The following GMPS variants were observed in gnomAD, a reference collection of about 807,000 sequenced individuals.
GMPS encodes GMP synthase [glutamine-hydrolyzing].
Under a neutral mutation model 77.9 loss-of-function variants are expected in GMPS, and 15 were observed. That is an observed-to-expected ratio of 0.19 (90% CI 0.13 to 0.30). The LOEUF is 0.30. GMPS is among the 10% of genes least tolerant of loss of function. The pLI is 1.00. For synonymous variants in GMPS, 224 were observed against 275.9 expected, an observed-to-expected ratio of 0.81 and a Z score of 1.86; for missense variants, 590 against 838.8, an observed-to-expected ratio of 0.70 and a Z score of 3.66.
intron 1 of GMPS, among the ~76,000 whole-genome samples, chr3:155,873,638 CT>C (rs58365650): frequency 6.5e-4 from 54 of 82,538 alleles, no homozygotes; most frequent in South Asian, 8.2e-4. Flanking sequence ...TGAGTAAGTT[CT>C]TTTTTTTTTT....
At chr3:155,937,305 CT>C (rs1755787160) in intron 15 of GMPS, among the ~76,000 whole-genome samples, 1 of 152,222 alleles carries the variant, frequency 6.6e-6, no homozygotes, top group African/African-American at 2.4e-5. Flanking sequence ...TTCTTAAGCA[CT>C]TGTGGCTCAG....
Position 155,911,907 on chromosome 3 carries a change from A to G in GMPS, c.886+628A>G, listed in dbSNP as rs555396694. On this transcript the variant is annotated intron_variant, in intron 7 of 15. Coordinates refer to ENST00000496455, the MANE Select transcript of GMPS (RefSeq NM_003875.3). ...ATGATATTTATGTACGAGGCTACCC[A>G]AGCCCTCCTCAGGTATGGGTATACA... Among the ~76,000 whole-genome samples, 15 of 152,116 alleles carry G rather than the reference A, an allele frequency of 9.9e-5. 1 individual carries two copies. The South Asian group carries it at 2.9e-3, about 29-fold the overall frequency.
At chr3:155,932,677 G>T (rs918067567) in intron 13 of GMPS, among the ~76,000 whole-genome samples, 1 of 152,128 alleles carries the variant, frequency 6.6e-6, no homozygotes. Context: ...CAACCAAAAA[G>T]AATTACTTGA....
In GMPS at chr3:155,934,869, A is replaced by G. The variant is rs1174539752; in HGVS notation, c.1677-47A>G. ...CTTCTCATACTAAAATGTAATTTCT[A>G]CATTTGAAATGTAATTGCTGTATTA... On this transcript the variant is annotated intron_variant, in intron 13 of 15. Transcript: ENST00000496455. 4 of 1,240,162 alleles carry G rather than the reference A, an allele frequency of 3.2e-6. No individual in the cohort carries two copies. In the South Asian group the frequency reaches 4.8e-5, roughly 15 times the overall value. 76.8% of individuals were successfully genotyped at this position (1,240,162 alleles called of 1,614,324 possible). A position where few individuals can be genotyped will look rare whatever the true frequency, so the allele number is the denominator to read the frequency against.
chr3:155,870,399 G>C (rs1169952044), upstream of GMPS: 4 of 173,530 alleles, frequency 2.3e-5, no homozygotes, highest in Non-Finnish European at 3.7e-5. Context: ...CGGGCTCCTC[G>C]GTGCGAGGGC....
chr3:155,898,170 C>CAACT (rs1192312911), intron 3 of GMPS, 129 bp downstream of exon 3: 4 of 666,414 alleles, frequency 6.0e-6, no homozygotes, highest in Non-Finnish European at 1.1e-5. Context: ...GTGCATGTTA[C>CAACT]AACTATGTGA....
chr3:155,905,789 G>A (rs961286801), intron 4 of GMPS, among the ~76,000 whole-genome samples: 4 of 152,102 alleles, frequency 2.6e-5, no homozygotes, highest in Admixed American at 1.3e-4. Context: ...TAAGACTACC[G>A]AATGAAGTGT....
intron 9 of GMPS, among the ~76,000 whole-genome samples, chr3:155,917,066 C>T (rs1043395020): frequency 6.6e-6 from 1 of 151,978 alleles, no homozygotes; most frequent in African/African-American, 2.4e-5. Flanking sequence ...CCTCTGCCTC[C>T]CGGTTCAAGA....
chr3:155,876,804 A>T (rs1754059346), intron 1 of GMPS, among the ~76,000 whole-genome samples: 1 of 152,198 alleles, frequency 6.6e-6, no homozygotes, highest in Admixed American at 6.5e-5. Context: ...TAAGAGTATT[A>T]TTCTAAAATT....
At position 155,942,484 on chromosome 3, in the gene GMPS, AC is replaced by A. The variant is rs1755916358; in HGVS notation, c.*4794del. On this transcript the variant is annotated 3_prime_UTR_variant, in exon 16 of 16. Transcript: ENST00000496455. Reference sequence around the variant, plus strand: ...AAACTCATAGGTGAATCTTTGTCAAACCTATAGGAGAGAGATGCAGGCCATA... The same window carrying A: ...AAACTCATAGGTGAATCTTTGTCAAACTATAGGAGAGAGATGCAGGCCATA... 2 of 224,892 alleles carry A rather than the reference AC, an allele frequency of 8.9e-6. No homozygotes were observed. Among genetic ancestry groups the A allele is most frequent in the African/African-American group, 4.5e-5 (2 of 44,840 alleles). The allele number at this position is 224,892 out of a possible 1,614,324, so 13.9% of individuals were successfully genotyped here.
At chr3:155,928,701 C>A (rs1314800773) in intron 12 of GMPS, among the ~76,000 whole-genome samples, 5 of 116,216 alleles carry the variant, frequency 4.3e-5, no homozygotes, top group African/African-American at 1.3e-4. Context: ...CCCACCCCAC[C>A]ACAGTCCCCA....
intron 13 of GMPS, among the ~76,000 whole-genome samples, chr3:155,933,952 C>G (rs979728369): frequency 1.3e-5 from 2 of 152,168 alleles, no homozygotes; most frequent in African/African-American, 2.4e-5. Context: ...TCATGTCTTT[C>G]AAACAGACAT....
intron 13 of GMPS, among the ~76,000 whole-genome samples, chr3:155,933,604 G>T (rs865944766): frequency 6.6e-6 from 1 of 152,168 alleles, no homozygotes; most frequent in South Asian, 2.1e-4. Context: ...TGGTGATACC[G>T]GTGGTTTTGT....
chr3:155,911,086 C>G (rs1043879754), intron 6 of GMPS, 28 bp from the exon 7 acceptor site: 10 of 1,546,412 alleles, frequency 6.5e-6, no homozygotes, highest in Non-Finnish European at 8.8e-6. Context: ...TTGTTTTGCT[C>G]ATTTTGATTT....
At chr3:155,914,148 A>G (rs1417445039) in intron 7 of GMPS, among the ~76,000 whole-genome samples, 1 of 151,132 alleles carries the variant, frequency 6.6e-6, no homozygotes, top group Non-Finnish European at 1.5e-5. Context: ...GGATTTCACC[A>G]TGTTAGCCAG....
chr3:155,903,545 G>C (rs1209760806), intron 3 of GMPS, among the ~76,000 whole-genome samples: 2 of 152,190 alleles, frequency 1.3e-5, no homozygotes, highest in African/African-American at 4.8e-5. Context: ...AAACTCAGGT[G>C]TAAGTAATTA....
At chr3:155,886,451 T>C (rs1465224817) in intron 1 of GMPS, among the ~76,000 whole-genome samples, 1 of 150,874 alleles carries the variant, frequency 6.6e-6, no homozygotes, top group African/African-American at 2.4e-5. Context: ...GGCAGGTGCC[T>C]GTAATCCCAG....
At chr3:155,931,682 T>TAA (rs1211077745) in intron 12 of GMPS, 83 bp from the exon 13 acceptor site, 58 of 515,234 alleles carry the variant, frequency 1.1e-4, no homozygotes, top group South Asian at 2.1e-4. Context: ...TCTTTTTTTT[T>TAA]TAAAAAAAAA....
At chr3:155,878,397 C>T (rs1337863416) in intron 1 of GMPS, among the ~76,000 whole-genome samples, 1 of 152,180 alleles carries the variant, frequency 6.6e-6, no homozygotes, top group East Asian at 1.9e-4. Context: ...TATTTATCCA[C>T]TTATCAGTTG....
Sources: gnomAD v4.1 joint callset for allele counts (sites outside exome capture counted in the v4.1 genomes callset) on GRCh38, gnomAD v4.1.1 for gene constraint, MANE v1.5 for transcripts, NCBI Gene and HGNC (gene_info 2026-07-23, HGNC 2026-07-21) for gene names.